The following CSMD1 variants were observed in gnomAD, a reference collection of about 807,000 sequenced individuals.
CSMD1 encodes the protein CUB and Sushi multiple domains 1.
A neutral mutation model predicts 417.5 loss-of-function variants in CSMD1; 213 were observed. That is an observed-to-expected ratio of 0.51 (90% CI 0.46 to 0.57). CSMD1 has a LOEUF of 0.57. Ranked by LOEUF, CSMD1 falls within the 20% of genes least tolerant of loss-of-function variation. CSMD1 has a pLI of 0.00. For missense variants in CSMD1, 6,923 were observed against 4,529.7 expected (o/e 1.53, Z -15.17); for synonymous variants, 2,862 against 1,736.8 (o/e 1.65, Z -16.11).
At chr8:4,722,127 T>C (rs1013310849) in intron 1 of CSMD1, among the ~76,000 whole-genome samples, 2 of 152,164 alleles carry the variant, frequency 1.3e-5, no homozygotes, top group African/African-American at 4.8e-5. Context: ...TGTTATGTTG[T>C]ATACTGGAAA....
chr8:3,513,266 T>C (rs955418576), intron 10 of CSMD1, among the ~76,000 whole-genome samples: 3 of 151,262 alleles, frequency 2.0e-5, no homozygotes, highest in African/African-American at 7.4e-5. Flanking sequence ...AATTATTTTG[T>C]TTTTTGTAAG....
At position 4,212,996 on chromosome 8, in the gene CSMD1, C is replaced by G. The variant is rs1223206696; in HGVS notation, c.416-180897G>C. On this transcript the variant is annotated intron_variant, in intron 3 of 69. Transcript: ENST00000635120. The stretch of plus-strand genomic sequence containing the variant: ...AGCGTTGGCTTCCAAGTCATGTTGC[C>G]TCTCAGTCTTTGTTTTCTTATTTTT... Among the ~76,000 whole-genome samples, 3 of 152,026 alleles carry G rather than the reference C, an allele frequency of 2.0e-5. No homozygotes were observed. The East Asian group carries it at 5.8e-4, about 29-fold the overall frequency.
chr8:4,347,170 A>G (rs188196539), intron 3 of CSMD1, among the ~76,000 whole-genome samples: 1 of 152,252 alleles, frequency 6.6e-6, no homozygotes, highest in Non-Finnish European at 1.5e-5. Context: ...ATCGGTGTTC[A>G]AGTTTTAGCT....
chr8:3,649,696 G>C (rs1044832460), intron 7 of CSMD1, among the ~76,000 whole-genome samples: 3 of 152,094 alleles, frequency 2.0e-5, no homozygotes, highest in Admixed American at 2.0e-4. Flanking sequence ...TGACACATGA[G>C]GATTATCGGG....
intron 1 of CSMD1, among the ~76,000 whole-genome samples, chr8:4,964,811 C>T (rs1372950293): frequency 6.6e-6 from 1 of 152,136 alleles, no homozygotes; most frequent in East Asian, 1.9e-4. Context: ...CGTTGTCCAC[C>T]TGTTGTGCAC....
chr8:3,393,968 C>T (rs1811508811), intron 17 of CSMD1, among the ~76,000 whole-genome samples: 2 of 120,604 alleles, frequency 1.7e-5, no homozygotes, highest in Admixed American at 9.9e-5. Context: ...TGCACATGTA[C>T]CCTAGAACTT....
At chr8:4,699,202 G>A (rs1232229325) in intron 1 of CSMD1, among the ~76,000 whole-genome samples, 2 of 152,156 alleles carry the variant, frequency 1.3e-5, no homozygotes, top group African/African-American at 4.8e-5. Context: ...AGTATGTAAA[G>A]TTAATACTCA....
chr8:3,744,587 G>C (rs965268267), intron 6 of CSMD1, among the ~76,000 whole-genome samples: 6 of 152,162 alleles, frequency 3.9e-5, no homozygotes, highest in Non-Finnish European at 7.4e-5. Flanking sequence ...TGTAAATGTG[G>C]ATGACTGTGG....
At chr8:3,244,708 G>T (rs187373056) in intron 26 of CSMD1, among the ~76,000 whole-genome samples, 2 of 152,166 alleles carry the variant, frequency 1.3e-5, no homozygotes, top group Admixed American at 6.5e-5. Flanking sequence ...GACGGTGAAT[G>T]GAAAAGTGAA....
intron 12 of CSMD1, among the ~76,000 whole-genome samples, chr8:3,437,285 C>A (rs889893806): frequency 2.6e-5 from 4 of 152,186 alleles, no homozygotes; most frequent in African/African-American, 9.6e-5. Context: ...TCCCAAATGA[C>A]GGAGCGGCTC....
intron 6 of CSMD1, among the ~76,000 whole-genome samples, chr8:3,747,713 TTCC>T (rs1304624828): frequency 6.6e-6 from 1 of 152,178 alleles, no homozygotes; most frequent in African/African-American, 2.4e-5. Flanking sequence ...GCCTGAAATG[TTCC>T]TTATGTTCAG....
chr8:4,748,266 A>T (rs1263701012), intron 1 of CSMD1, among the ~76,000 whole-genome samples: 2 of 152,244 alleles, frequency 1.3e-5, no homozygotes, highest in Non-Finnish European at 2.9e-5. Context: ...AATCTTTAGA[A>T]AGCACACAAG....
chr8:4,413,910 C>T (rs539938757), intron 3 of CSMD1, among the ~76,000 whole-genome samples: 1 of 152,188 alleles, frequency 6.6e-6, no homozygotes, highest in East Asian at 1.9e-4. Context: ...CCTAATTAGC[C>T]CAGAGGAAAG....
At chr8:3,274,787 C>G (rs557440677) in intron 26 of CSMD1, among the ~76,000 whole-genome samples, 55 of 152,194 alleles carry the variant, frequency 3.6e-4, no homozygotes, top group African/African-American at 1.3e-3. Context: ...CTTGGTAGAT[C>G]TTCCTCCATC....
At position 2,941,871 on chromosome 8, in the gene CSMD1, C is replaced by T. The variant is rs746977541; in HGVS notation, c.10535+601G>A. Among the ~76,000 whole-genome samples the T allele has an allele frequency of 2.0e-5, 3 of 152,244 alleles. No individual in the cohort carries two copies. In the South Asian group the frequency reaches 6.2e-4, roughly 32 times the overall value. Reference sequence around the variant, plus strand: ...ACCCTTTTGCTGGAAGGTTGAAATACCTTCTAAAGGTTCTCATCGTTGGCC... The same window carrying T: ...ACCCTTTTGCTGGAAGGTTGAAATATCTTCTAAAGGTTCTCATCGTTGGCC... On this transcript the variant is annotated intron_variant, in intron 69 of 69. Coordinates refer to ENST00000635120, the MANE Select transcript of CSMD1 (RefSeq NM_033225.6).
intron 1 of CSMD1, among the ~76,000 whole-genome samples, chr8:4,983,689 A>AT (rs375095799): frequency 2.9e-4 from 43 of 150,650 alleles, no homozygotes; most frequent in South Asian, 1.3e-3. Context: ...CACCCAGCTA[A>AT]TTTTTTTTTT....
chr8:3,685,027 G>C (rs1221099493), intron 7 of CSMD1, among the ~76,000 whole-genome samples: 2 of 152,088 alleles, frequency 1.3e-5, no homozygotes, highest in Admixed American at 6.6e-5. Flanking sequence ...CACTTAGAAG[G>C]ATCAGCATCA....
chr8:3,558,275 G>A (rs1207130018), intron 10 of CSMD1, among the ~76,000 whole-genome samples: 1 of 150,408 alleles, frequency 6.6e-6, no homozygotes, highest in Non-Finnish European at 1.5e-5. Context: ...CTCCTCCAGT[G>A]ATGAATGGTG....
chr8:3,269,397 TA>T (rs1338907128), intron 26 of CSMD1, among the ~76,000 whole-genome samples: 1 of 152,220 alleles, frequency 6.6e-6, no homozygotes, highest in Non-Finnish European at 1.5e-5. Context: ...CACACAGGCT[TA>T]CGGCTGGTTT....
Sources: gnomAD v4.1 joint callset for allele counts (sites outside exome capture counted in the v4.1 genomes callset) on GRCh38, gnomAD v4.1.1 for gene constraint, MANE v1.5 for transcripts, NCBI Gene and HGNC (gene_info 2026-07-23, HGNC 2026-07-21) for gene names.